DYSF: variants seen among roughly 807,000 people sequenced by gnomAD.
The protein encoded by DYSF is dysferlin, also known as dystrophy-associated fer-1-like 1.
DYSF carries 212 observed loss-of-function variants against 274.9 expected under a neutral mutation model. The ratio of observed to expected loss-of-function variants is 0.77; its 90% CI spans 0.69 to 0.86. The LOEUF is 0.86. Ranked by LOEUF, DYSF falls within the 40% of genes least tolerant of loss-of-function variation. DYSF has a pLI of 0.00. For missense variants in DYSF, 2,666 were observed against 2,783.2 expected (o/e 0.96, Z 0.95); for synonymous variants, 1,091 against 1,078.7 (o/e 1.01, Z -0.22).
intron 3 of DYSF, among the ~76,000 whole-genome samples, chr2:71,500,126 G>A (rs1453222747): frequency 6.6e-6 from 1 of 152,146 alleles, no homozygotes; most frequent in African/African-American, 2.4e-5. Context: ...GAGGCCCCTG[G>A]ATAAAGCCAC....
intron 30 of DYSF, among the ~76,000 whole-genome samples, chr2:71,585,903 C>G (rs1032360244): frequency 5.9e-5 from 9 of 152,026 alleles, no homozygotes; most frequent in African/African-American, 1.7e-4. Flanking sequence ...CACATCCTTG[C>G]AGGGTGACCT....
intron 41 of DYSF, among the ~76,000 whole-genome samples, chr2:71,631,271 A>C (rs887925917): frequency 1.3e-5 from 2 of 152,220 alleles, no homozygotes; most frequent in Admixed American, 6.5e-5. Flanking sequence ...AACTTTAATA[A>C]CATTCATGGT....
chr2:71,593,411 G>A lies in DYSF; in HGVS notation c.3574+3123G>A, dbSNP rs149981175. Among the ~76,000 whole-genome samples the A allele has an allele frequency of 6.3e-3, 955 of 152,268 alleles. 23 individuals are homozygous for A. Among genetic ancestry groups the A allele is most frequent in the Admixed American group, 0.026 (402 of 15,300 alleles). ...CTCCCGGAGTGCTGGGATTACAGGCGTGAGCCACTGTGCCCGGCCAGTTCA... is the reference window on the plus strand; with the variant it reads ...CTCCCGGAGTGCTGGGATTACAGGCATGAGCCACTGTGCCCGGCCAGTTCA... On this transcript the variant is annotated intron_variant, in intron 32 of 55. Transcript: ENST00000410020.
At chr2:71,474,366 A>G (rs2082249811) in intron 1 of DYSF, among the ~76,000 whole-genome samples, 1 of 152,232 alleles carries the variant, frequency 6.6e-6, no homozygotes, top group African/African-American at 2.4e-5. Flanking sequence ...CCAGTTCCTC[A>G]GAGCAGTTTG....
intron 3 of DYSF, among the ~76,000 whole-genome samples, chr2:71,499,228 G>A (rs2084728467): frequency 6.6e-6 from 1 of 152,138 alleles, no homozygotes; most frequent in African/African-American, 2.4e-5. Context: ...TATGCAGCAA[G>A]TAGCTTATTA....
intron 17 of DYSF, among the ~76,000 whole-genome samples, chr2:71,547,114 G>A (rs549796699): frequency 5.3e-5 from 8 of 152,202 alleles, no homozygotes; most frequent in Non-Finnish European, 1.0e-4. Context: ...TTGGCAGAAC[G>A]GTGATGTGGA....
intron 22 of DYSF, among the ~76,000 whole-genome samples, chr2:71,559,441 G>C (rs1216023311): frequency 6.6e-6 from 1 of 151,830 alleles, no homozygotes; most frequent in Non-Finnish European, 1.5e-5. Context: ...TCTTCAAGCT[G>C]TGTCATGCCT....
At chr2:71,571,824 C>CAG (rs1312464276) in intron 29 of DYSF, among the ~76,000 whole-genome samples, 18 of 130,286 alleles carry the variant, frequency 1.4e-4, no homozygotes, top group African/African-American at 4.7e-4. Flanking sequence ...AGCACACACA[C>CAG]ATCACACCCA....
chr2:71,455,369 T>C (rs1461435027), intron 1 of DYSF, among the ~76,000 whole-genome samples: 1 of 152,204 alleles, frequency 6.6e-6, no homozygotes, highest in Non-Finnish European at 1.5e-5. Context: ...TGGAAAGCAG[T>C]GTACACCAAG....
chr2:71,610,120 A>G (rs755785054), intron 36 of DYSF, among the ~76,000 whole-genome samples: 3 of 152,208 alleles, frequency 2.0e-5, no homozygotes, highest in Non-Finnish European at 2.9e-5. Flanking sequence ...TATTATAACA[A>G]TTTCCCAATA....
At chr2:71,522,848 A>G (rs1440400885) in intron 12 of DYSF, among the ~76,000 whole-genome samples, 1 of 152,164 alleles carries the variant, frequency 6.6e-6, no homozygotes, top group Non-Finnish European at 1.5e-5. Context: ...CAGAGGCCAG[A>G]GTTTCATTCT....
At position 71,535,253 on chromosome 2, in the gene DYSF, C is replaced by T. The variant is rs376442287; in HGVS notation, c.1450-15C>T. 94 of 1,613,884 alleles carry T rather than the reference C, an allele frequency of 5.8e-5. No homozygotes were observed. The highest frequency in any genetic ancestry group is 4.1e-4 in the African/African-American group (31 of 75,048). On this transcript the variant is annotated splice_polypyrimidine_tract_variant and intron_variant, in intron 15 of 55. Transcript: ENST00000410020. ...AAAGGACTCTTCTCCCAACACGCCT[C>T]TATTCCTTCCTCAGTTTCCCTCCAT...
intron 22 of DYSF, 42 bp from the exon 23 acceptor site, chr2:71,561,710 C>A (rs1241766354): frequency 1.9e-6 from 3 of 1,612,578 alleles, no homozygotes; most frequent in Admixed American, 3.3e-5. Flanking sequence ...CTGGGAGAGC[C>A]CTGGGCTCAT....
rs1573999462 is a variant in DYSF, at chr2:71,561,612, G to T, written c.2217-140G>T. On this transcript the variant is annotated intron_variant, in intron 22 of 55. Coordinates refer to ENST00000410020, the MANE Select transcript of DYSF (RefSeq NM_001130987.2). ...GCACATCACATAGAGATGGCTGTGT[G>T]TGTGGAGCGGGCTGGAGAAGGCACC... is the stretch of plus-strand genomic sequence containing the variant. 7.7e-6 allele frequency: 7 copies of T among 904,090 alleles called. No homozygotes were observed. In the East Asian group the frequency reaches 1.8e-4, roughly 23 times the overall value. The allele number at this position is 904,090 out of a possible 1,614,324, so 56.0% of individuals were successfully genotyped here.
intron 36 of DYSF, among the ~76,000 whole-genome samples, chr2:71,610,071 G>A (rs1182066364): frequency 6.6e-6 from 1 of 152,172 alleles, no homozygotes; most frequent in Non-Finnish European, 1.5e-5. Flanking sequence ...CTGTGTCTAA[G>A]GGGCTGCATT....
At position 71,643,884 on chromosome 2, in the gene DYSF, G is replaced by A. The variant is rs542996355; in HGVS notation, c.4528-81G>A. On this transcript the variant is annotated intron_variant, in intron 41 of 55. Coordinates refer to ENST00000410020, the MANE Select transcript of DYSF (RefSeq NM_001130987.2). The stretch of plus-strand genomic sequence containing the variant: ...TTGTGGTCCAGAGCGGCCTAGCAGC[G>A]GAGGGAGGGTTTCCAACTCTGAAGA... 8.7e-5 allele frequency: 97 copies of A among 1,115,384 alleles called. 1 individual carries two copies. Among genetic ancestry groups the A allele is most frequent in the Middle Eastern group, 4.0e-4 (2 of 5,048 alleles). The allele number at this position is 1,115,384 out of a possible 1,614,324, so 69.1% of individuals were successfully genotyped here.
chr2:71,517,469 A>G (rs2086778341), intron 10 of DYSF, among the ~76,000 whole-genome samples: 1 of 152,240 alleles, frequency 6.6e-6, no homozygotes. Context: ...TAAAGCTGAC[A>G]AATGGCTTAT....
intron 28 of DYSF, 83 bp from the exon 29 acceptor site, chr2:71,570,516 G>T: frequency 6.3e-7 from 1 of 1,576,952 alleles, no homozygotes; most frequent in Non-Finnish European, 8.6e-7. Flanking sequence ...AAGAGTCTGT[G>T]ACCATGCCCC....
chr2:71,646,303 G>C (rs11688735), intron 42 of DYSF, among the ~76,000 whole-genome samples: 5,534 of 152,314 alleles, frequency 0.036, 135 homozygotes, highest in Non-Finnish European at 0.054. Context: ...TCCTGCCAGG[G>C]TGGCCCATGG....
Sources: allele counts gnomAD v4.1 joint callset (sites outside exome capture counted in the v4.1 genomes callset), GRCh38; gene constraint gnomAD v4.1.1; transcripts MANE v1.5; gene names NCBI Gene and HGNC (gene_info 2026-07-23, HGNC 2026-07-21).